Variants in NOX5 observed in about 807,000 individuals in gnomAD.
The protein encoded by NOX5 is NADPH oxidase, EF-hand calcium binding domain 5.
NOX5 carries 76 observed loss-of-function variants against 85.7 expected under a neutral mutation model. The observed-to-expected ratio is 0.89, with a 90% CI of 0.74 to 1.07. The LOEUF (loss-of-function observed/expected upper bound fraction) is 1.07. NOX5 is among the 50% of genes least tolerant of loss of function. NOX5 has a pLI of 0.00. For synonymous variants in NOX5, 405 were observed against 401.4 expected, an observed-to-expected ratio of 1.01 and a Z score of -0.11; for missense variants, 973 against 999.5, an observed-to-expected ratio of 0.97 and a Z score of 0.36.
At position 69,058,650 on chromosome 15, in the gene NOX5, T is replaced by C. The variant is rs2050842532; in HGVS notation, c.*1954T>C. 6.6e-6 allele frequency: 1 copy of C among 152,056 alleles called. No homozygotes were observed. Among genetic ancestry groups the C allele is most frequent in the Non-Finnish European group, 1.5e-5 (1 of 68,034 alleles). 9.4% of individuals were successfully genotyped at this position (152,056 alleles called of 1,614,324 possible). On this transcript the variant is annotated 3_prime_UTR_variant, in exon 16 of 16. Transcript: ENST00000388866. ...GTCAGCAAGGCCAGGAGACCTGGTG[T>C]TGGGGCCTTCCAACCAGATCGTGTT... is the stretch of plus-strand genomic sequence containing the variant.
chr15:69,039,846 C>A (rs1029034175), intron 9 of NOX5, among the ~76,000 whole-genome samples: 2 of 152,246 alleles, frequency 1.3e-5, no homozygotes, highest in African/African-American at 4.8e-5. Context: ...AGAGCTGCTA[C>A]CTGGACCTCT....
At chr15:69,054,460 C>T (rs1055750756) in intron 14 of NOX5, among the ~76,000 whole-genome samples, 22 of 152,236 alleles carry the variant, frequency 1.4e-4, no homozygotes, top group African/African-American at 5.3e-4. Context: ...CTTCCCCTGT[C>T]TCCTAGCTGG....
At chr15:69,031,450 C>A (rs938340734) in intron 3 of NOX5, 68 bp from the exon 4 acceptor site, 10 of 1,524,730 alleles carry the variant, frequency 6.6e-6, no homozygotes, top group African/African-American at 1.4e-5. Flanking sequence ...TGGTCTATAC[C>A]CCCAAGGAAA....
chr15:69,033,402 G>C (rs2050467645), intron 5 of NOX5, 125 bp downstream of exon 5: 1 of 1,107,766 alleles, frequency 9.0e-7, no homozygotes, highest in South Asian at 1.5e-5. Context: ...TTAGAAATCA[G>C]CTGGGCCAAC....
chr15:69,045,873 G>A (rs921126595), intron 10 of NOX5: 2 of 152,272 alleles, frequency 1.3e-5, no homozygotes, highest in South Asian at 2.1e-4. Context: ...ACCGCCAGGA[G>A]TTCATGCCCC....
At chr15:69,028,156 A>C in intron 2 of NOX5, 59 bp from the exon 3 acceptor site, 1 of 1,516,384 alleles carries the variant, frequency 6.6e-7, no homozygotes, top group Non-Finnish European at 8.8e-7. Flanking sequence ...CAGTGAACAA[A>C]TTCAAAGCCC....
chr15:69,047,013 T>G, intron 11 of NOX5, 147 bp downstream of exon 11: 1 of 753,630 alleles, frequency 1.3e-6, no homozygotes, highest in South Asian at 1.7e-5. Flanking sequence ...ATCCGGGTCA[T>G]GTAACCACAT....
Position 69,056,880 on chromosome 15 carries a change from C to T in NOX5, c.*184C>T. The T allele has an allele frequency of 1.6e-6, 1 of 634,150 alleles. No homozygotes were observed. The highest frequency in any genetic ancestry group is 2.6e-6 in the Non-Finnish European group (1 of 388,336). 39.3% of individuals were successfully genotyped at this position (634,150 alleles called of 1,614,324 possible). ...AGGGGCAGATGAACTTCCTCTAGAA[C>T]CCAGGGGAAGGGACAGTGCCTTGTT... On this transcript the variant is annotated 3_prime_UTR_variant, in exon 16 of 16. Coordinates refer to ENST00000388866, the MANE Select transcript of NOX5 (RefSeq NM_024505.4).
At chr15:69,019,755 G>A (rs886881542) in intron 1 of NOX5, among the ~76,000 whole-genome samples, 15 of 152,202 alleles carry the variant, frequency 9.9e-5, no homozygotes, top group African/African-American at 2.9e-4. Context: ...CACAGTGGTG[G>A]ATGATGGATA....
chr15:69,028,158 T>G, intron 2 of NOX5, 57 bp from the exon 3 acceptor site: 1 of 1,515,996 alleles, frequency 6.6e-7, no homozygotes, highest in South Asian at 1.3e-5. Context: ...GTGAACAAAT[T>G]CAAAGCCCAG....
chr15:69,044,545 T>G (rs2050638503), intron 10 of NOX5, among the ~76,000 whole-genome samples: 1 of 152,206 alleles, frequency 6.6e-6, no homozygotes, highest in Admixed American at 6.5e-5. Flanking sequence ...AATAAATTGC[T>G]GATCACCTTT....
chr15:69,029,232 T>C (rs933516204), intron 3 of NOX5: 1 of 152,240 alleles, frequency 6.6e-6, no homozygotes, highest in Non-Finnish European at 1.5e-5. Context: ...GCACCTCATC[T>C]AAGTGGGATT....
intron 1 of NOX5, chr15:69,023,532 T>G (rs1003010300): frequency 2.5e-5 from 8 of 318,514 alleles, no homozygotes; most frequent in Middle Eastern, 2.3e-3. Flanking sequence ...TTCAGCAGTG[T>G]GTCGGTCATA....
intron 1 of NOX5, chr15:69,023,473 T>G (rs1211666211): frequency 7.1e-6 from 3 of 422,712 alleles, no homozygotes; most frequent in East Asian, 7.2e-5. Context: ...ATGATTCTAC[T>G]GAAATCCCGA....
rs761300447 is a variant in NOX5 at position 69,037,147 on chromosome 15, C to T, written c.1308C>T (p.Ile436=). The T allele has an allele frequency of 2.4e-5, 38 of 1,614,060 alleles. No individual in the cohort carries two copies. Among genetic ancestry groups the T allele is most frequent in the African/African-American group, 1.7e-4 (13 of 75,022 alleles). Reference sequence around the variant, plus strand: ...TCTTGTTTTTCCTGGAGAAGGCCATCGGACTGGCAGTGTCCCGCATGGCAG... The same window carrying T: ...TCTTGTTTTTCCTGGAGAAGGCCATTGGACTGGCAGTGTCCCGCATGGCAG... ...PGILFFLEKA[I]GLAVSRMAAV... Residue 436 remains isoleucine (I), a synonymous_variant, in exon 8 of 16, where the codon ATC becomes ATT. Transcript: ENST00000388866.
rs1250748593 is a variant in NOX5, at chr15:69,014,757, G to A, written c.22G>A (p.Ala8Thr). 3.9e-6 allele frequency: 6 copies of A among 1,550,516 alleles called. No homozygotes were observed. The highest frequency in any genetic ancestry group is 5.2e-6 in the Non-Finnish European group (6 of 1,146,878). Reference protein sequence around the residue: MNTSGDPAQTGPEGCRGT... With the variant: MNTSGDPTQTGPEGCRGT... ...GAAGATGAACACATCTGGAGACCCA[G>A]CCCAGACGGGCCCTGAAGGCTGTAG... The change falls in exon 1 of 16, where the codon GCC becomes ACC. Residue 8 changes from alanine to threonine, a missense_variant. By Grantham distance (58) the Ala-to-Thr change is moderately conservative (BLOSUM62 0). Coordinates refer to ENST00000388866, the MANE Select transcript of NOX5 (RefSeq NM_024505.4).
chr15:69,055,382 A>G lies in NOX5; in HGVS notation c.2048A>G (p.Asn683Ser). The part of the protein sequence containing the change: ...HMYMTSALGK[N>S]DMKAIGLQMA... ...TACATGACATCTGCACTGGGCAAGA[A>G]TGACATGAAGGCCATTGGCCTGCAG... The change falls in exon 15 of 16, where the codon AAT becomes AGT. Residue 683 changes from asparagine to serine, a missense_variant. Physicochemically the swap from Asn to Ser is conservative, Grantham distance 46. Transcript: ENST00000388866. The G allele has an allele frequency of 6.2e-7, 1 of 1,614,220 alleles. No homozygotes were observed. Among genetic ancestry groups the G allele is most frequent in the African/African-American group, 1.3e-5 (1 of 75,054 alleles).
rs181403454 is a variant in NOX5, at chr15:69,059,257, C to T, written c.*2561C>T. 49 of 152,248 alleles carry T rather than the reference C, an allele frequency of 3.2e-4. 1 individual carries two copies. Among genetic ancestry groups the T allele is most frequent in the Admixed American group, 9.8e-4 (15 of 15,294 alleles). The allele number at this position is 152,248 out of a possible 1,614,324, so 9.4% of individuals were successfully genotyped here. On this transcript the variant is annotated 3_prime_UTR_variant, in exon 16 of 16. Transcript: ENST00000388866. ...TCTCCAGACAGATTCCAGTTGCCCA[C>T]GAGAGGGCGCTGCAGAATCACGGAT...
intron 10 of NOX5, among the ~76,000 whole-genome samples, chr15:69,045,561 T>TTTCTTTCTTTCTTTCTTTCTTTCC (rs2050657770): frequency 1.4e-5 from 2 of 144,958 alleles, no homozygotes; most frequent in Non-Finnish European, 3.0e-5. Context: ...TCTTTCTTTC[T>TTTCTTTCTTTCTTTCTTTCTTTCC]TTCTTTCTTC....
Sources: gnomAD v4.1 joint callset for allele counts (sites outside exome capture counted in the v4.1 genomes callset) on GRCh38, gnomAD v4.1.1 for gene constraint, MANE v1.5 for transcripts, NCBI Gene and HGNC (gene_info 2026-07-23, HGNC 2026-07-21) for gene names.